TBC1D1: variants seen among roughly 807,000 people sequenced by gnomAD.
The protein encoded by TBC1D1 is TBC1 domain family member 1.
A neutral mutation model predicts 125.6 loss-of-function variants in TBC1D1; 89 were observed. The observed-to-expected ratio is 0.71, with a 90% CI of 0.60 to 0.85. The LOEUF (loss-of-function observed/expected upper bound fraction) is 0.85. TBC1D1 is among the 40% of genes least tolerant of loss of function. The pLI, the probability that TBC1D1 is intolerant of heterozygous loss-of-function variation, is 0.00. For missense variants in TBC1D1, 1,377 were observed against 1,469.2 expected, an observed-to-expected ratio of 0.94 and a Z score of 1.03; for synonymous variants, 565 against 564.1, an observed-to-expected ratio of 1.00 and a Z score of -0.02.
intron 2 of TBC1D1, among the ~76,000 whole-genome samples, chr4:37,913,513 C>CACTT (rs771751304): frequency 2.1e-4 from 32 of 152,144 alleles, no homozygotes; most frequent in Admixed American, 7.2e-4. Context: ...GCAAGATAAT[C>CACTT]ACTTGAACCC....
chr4:38,039,187 G>A (rs972736179), intron 8 of TBC1D1, among the ~76,000 whole-genome samples: 16 of 116,540 alleles, frequency 1.4e-4, no homozygotes, highest in African/African-American at 4.8e-4. Context: ...GCGCTATCTT[G>A]GCTCACTGCA....
intron 2 of TBC1D1, among the ~76,000 whole-genome samples, chr4:37,970,767 T>C (rs1688413521): frequency 6.6e-6 from 1 of 152,272 alleles, no homozygotes; most frequent in Non-Finnish European, 1.5e-5. Flanking sequence ...AATATTCATA[T>C]TTGTGAACTG....
chr4:37,964,110 A>G (rs1276231301), intron 2 of TBC1D1, among the ~76,000 whole-genome samples: 1 of 152,214 alleles, frequency 6.6e-6, no homozygotes, highest in Non-Finnish European at 1.5e-5. Flanking sequence ...ATCCCTGAGG[A>G]CTGGAATGCA....
chr4:37,908,221 C>T (rs1717767713), intron 2 of TBC1D1, among the ~76,000 whole-genome samples: 1 of 151,932 alleles, frequency 6.6e-6, no homozygotes, highest in African/African-American at 2.4e-5. Context: ...GGTGTAAGCG[C>T]CTTTTTTGGG....
chr4:38,019,752 A>G (rs1235509666), intron 4 of TBC1D1, among the ~76,000 whole-genome samples: 3 of 152,208 alleles, frequency 2.0e-5, no homozygotes, highest in Non-Finnish European at 2.9e-5. Flanking sequence ...TATTTATTAA[A>G]AATAGCTCTT....
chr4:37,958,734 A>G (rs1411435010), intron 2 of TBC1D1, among the ~76,000 whole-genome samples: 2 of 152,250 alleles, frequency 1.3e-5, no homozygotes, highest in Non-Finnish European at 2.9e-5. Context: ...GTGTCGGAAG[A>G]GTTGAAAGAA....
chr4:38,022,835 G>C (rs1343421390), intron 6 of TBC1D1, among the ~76,000 whole-genome samples: 2 of 152,178 alleles, frequency 1.3e-5, no homozygotes, highest in Admixed American at 6.5e-5. Context: ...CTGTTTATGG[G>C]AGGATTTCTA....
chr4:37,976,214 C>T (rs1480451505), intron 2 of TBC1D1, among the ~76,000 whole-genome samples: 3 of 152,138 alleles, frequency 2.0e-5, no homozygotes, highest in East Asian at 1.9e-4. Flanking sequence ...CAGCAGCTTG[C>T]GAGGAACTAA....
chr4:37,950,983 C>T (rs1727740179), intron 2 of TBC1D1, among the ~76,000 whole-genome samples: 2 of 152,158 alleles, frequency 1.3e-5, no homozygotes, highest in East Asian at 1.9e-4. Context: ...AAGCTGGTCT[C>T]GAACTCCTGA....
intron 1 of TBC1D1, among the ~76,000 whole-genome samples, chr4:37,893,844 A>C (rs12649926): frequency 6.6e-6 from 1 of 152,146 alleles, no homozygotes; most frequent in South Asian, 2.1e-4. Context: ...GTGATGACGA[A>C]GGATTTAGGT....
At chr4:38,122,058 G>C (rs898684503) in intron 17 of TBC1D1, among the ~76,000 whole-genome samples, 4 of 152,180 alleles carry the variant, frequency 2.6e-5, no homozygotes, top group East Asian at 1.9e-4. Flanking sequence ...AGAAGCTTCT[G>C]GGGCTGAACT....
chr4:37,901,448 C>T (rs914245162), intron 1 of TBC1D1, among the ~76,000 whole-genome samples: 1 of 152,170 alleles, frequency 6.6e-6, no homozygotes, highest in Non-Finnish European at 1.5e-5. Flanking sequence ...TGAGCCACTG[C>T]ACCTGGCCTA....
chr4:37,954,433 C>T (rs1298718554), intron 2 of TBC1D1, among the ~76,000 whole-genome samples: 5 of 151,410 alleles, frequency 3.3e-5, no homozygotes, highest in African/African-American at 9.7e-5. Context: ...AACTCATGAG[C>T]ATTCCATGGG....
chr4:38,016,281 A>G (rs1206758527), intron 3 of TBC1D1, among the ~76,000 whole-genome samples: 1 of 152,226 alleles, frequency 6.6e-6, no homozygotes, highest in Non-Finnish European at 1.5e-5. Context: ...ACAAGGTTTC[A>G]TTGTGGCCAC....
In TBC1D1 at chr4:38,044,463, A is replaced by G. The variant is rs1398810286; in HGVS notation, c.1515A>G (p.Thr505=). ...AAAACAAAGCAAAGAGATCTTTAAC[A>G]GAGTCTTTAGAAAGTATTTTGTCCC... Residue 505 remains threonine (T), a synonymous_variant, in exon 9 of 20, where the codon ACA becomes ACG. Coordinates refer to ENST00000261439, the MANE Select transcript of TBC1D1 (RefSeq NM_015173.4). 6.2e-7 allele frequency: 1 copy of G among 1,612,832 alleles called. No homozygotes were observed. Among genetic ancestry groups the G allele is most frequent in the Non-Finnish European group, 8.5e-7 (1 of 1,179,756 alleles).
chr4:38,031,383 A>G (rs1746096420), intron 7 of TBC1D1, among the ~76,000 whole-genome samples: 1 of 152,234 alleles, frequency 6.6e-6, no homozygotes, highest in African/African-American at 2.4e-5. Context: ...AAGAATATAT[A>G]TCAGCTTAGT....
intron 2 of TBC1D1, among the ~76,000 whole-genome samples, chr4:37,985,143 C>T (rs945651043): frequency 2.0e-5 from 3 of 151,832 alleles, no homozygotes; most frequent in Non-Finnish European, 2.9e-5. Context: ...TTAGTAGAGA[C>T]GGGGTTTCAC....
intron 12 of TBC1D1, among the ~76,000 whole-genome samples, chr4:38,056,527 G>A (rs1283220097): frequency 1.3e-5 from 2 of 152,196 alleles, no homozygotes; most frequent in African/African-American, 2.4e-5. Context: ...CTGGTTTCCT[G>A]GCTTGGCACA....
At chr4:37,971,281 A>T (rs1408468037) in intron 2 of TBC1D1, among the ~76,000 whole-genome samples, 5 of 152,158 alleles carry the variant, frequency 3.3e-5, no homozygotes, top group Non-Finnish European at 7.3e-5. Flanking sequence ...ATAAAGACAT[A>T]CCTAAGACTG....
Sources: gnomAD v4.1 joint callset for allele counts (sites outside exome capture counted in the v4.1 genomes callset) on GRCh38, gnomAD v4.1.1 for gene constraint, MANE v1.5 for transcripts, NCBI Gene and HGNC (gene_info 2026-07-23, HGNC 2026-07-21) for gene names.